UNC5C: variants seen among roughly 807,000 people sequenced by gnomAD.
UNC5C encodes unc-5 netrin receptor C.
A neutral mutation model predicts 99.8 loss-of-function variants in UNC5C; 47 were observed. The ratio of observed to expected loss-of-function variants is 0.47; its 90% CI spans 0.37 to 0.60. The LOEUF (loss-of-function observed/expected upper bound fraction) is 0.60, where lower values mean the gene tolerates loss of function less well. Ranked by LOEUF, UNC5C falls within the 20% of genes least tolerant of loss-of-function variation. The pLI is 0.00. For missense variants in UNC5C, 1,062 were observed against 1,165.9 expected (o/e 0.91, Z 1.30); for synonymous variants, 487 against 452.2 (o/e 1.08, Z -0.98).
At chr4:95,539,526 A>G (rs1006388100) in intron 1 of UNC5C, among the ~76,000 whole-genome samples, 8 of 152,204 alleles carry the variant, frequency 5.3e-5, no homozygotes, top group African/African-American at 9.6e-5. Flanking sequence ...TATCTTTATG[A>G]ATTTGTTTTA....
chr4:95,182,681 T>A (rs1351856524), intron 14 of UNC5C, among the ~76,000 whole-genome samples: 1 of 152,176 alleles, frequency 6.6e-6, no homozygotes, highest in African/African-American at 2.4e-5. Flanking sequence ...AATTAAGACT[T>A]GTTTTTCAAA....
chr4:95,323,624 G>T (rs533531982), intron 2 of UNC5C, among the ~76,000 whole-genome samples: 17 of 152,152 alleles, frequency 1.1e-4, no homozygotes, highest in Non-Finnish European at 2.4e-4. Flanking sequence ...CAGATCTCCC[G>T]TAGTTCCCCT....
At chr4:95,529,157 C>G (rs571630247) in intron 1 of UNC5C, among the ~76,000 whole-genome samples, 26 of 151,198 alleles carry the variant, frequency 1.7e-4, no homozygotes, top group African/African-American at 6.1e-4. Context: ...TCTCATTTCT[C>G]TCTATGGGAT....
intron 12 of UNC5C, among the ~76,000 whole-genome samples, chr4:95,201,752 T>A (rs373802119): frequency 6.6e-6 from 1 of 152,050 alleles, no homozygotes. Context: ...TACAGATGCC[T>A]GCCATCATGC....
Position 95,356,280 on chromosome 4 carries a change from G to C in UNC5C, c.125-20649C>G, listed in dbSNP as rs372030321. Reference sequence around the variant, plus strand: ...TCCTATGGTATACAAAATTGTTTTTGTCTTATCTTAGTTCTCTCCCTATTA... The same window carrying C: ...TCCTATGGTATACAAAATTGTTTTTCTCTTATCTTAGTTCTCTCCCTATTA... On this transcript the variant is annotated intron_variant, in intron 1 of 15. Coordinates refer to ENST00000453304, the MANE Select transcript of UNC5C (RefSeq NM_003728.4). Among the ~76,000 whole-genome samples the C allele has an allele frequency of 7.2e-5, 10 of 138,960 alleles. No homozygotes were observed. The East Asian group carries it at 2.0e-3, about 28-fold the overall frequency. 91.2% of individuals were successfully genotyped at this position (138,960 alleles called of 152,430 possible).
intron 3 of UNC5C, among the ~76,000 whole-genome samples, chr4:95,279,581 G>T (rs1740981010): frequency 6.6e-6 from 1 of 152,158 alleles, no homozygotes; most frequent in Non-Finnish European, 1.5e-5. Flanking sequence ...CTTTGAAGCA[G>T]CATTTTTTTA....
At chr4:95,264,344 C>T (rs1740355492) in intron 4 of UNC5C, among the ~76,000 whole-genome samples, 1 of 152,190 alleles carries the variant, frequency 6.6e-6, no homozygotes, top group Non-Finnish European at 1.5e-5. Flanking sequence ...GAAATTCACT[C>T]ACTGGTAACT....
At chr4:95,222,246 T>G in intron 7 of UNC5C, 2 of 1,493,578 alleles carry the variant, frequency 1.3e-6, no homozygotes, top group Non-Finnish European at 1.8e-6. Context: ...CTCTGTTCAG[T>G]TGAAATGGGA....
chr4:95,402,061 C>T (rs556343987), intron 1 of UNC5C, among the ~76,000 whole-genome samples: 219 of 152,290 alleles, frequency 1.4e-3, no homozygotes, highest in African/African-American at 5.1e-3. Context: ...TAGTTTTTGT[C>T]TAAAAGCTGT....
intron 4 of UNC5C, among the ~76,000 whole-genome samples, chr4:95,275,460 C>T (rs956728881): frequency 2.0e-5 from 3 of 152,040 alleles, no homozygotes; most frequent in Admixed American, 2.0e-4. Context: ...TATTATCTCC[C>T]CTTTATAGTT....
At chr4:95,247,057 A>G (rs1234226351) in intron 5 of UNC5C, among the ~76,000 whole-genome samples, 1 of 152,106 alleles carries the variant, frequency 6.6e-6, no homozygotes, top group African/African-American at 2.4e-5. Flanking sequence ...AAATAAAAAA[A>G]AAAGAAAGAA....
At chr4:95,241,763 T>TAAG (rs1390873047) in intron 7 of UNC5C, among the ~76,000 whole-genome samples, 3 of 152,104 alleles carry the variant, frequency 2.0e-5, no homozygotes, top group Non-Finnish European at 2.9e-5. Flanking sequence ...ACCACTTAAT[T>TAAG]AAGAAAATCT....
chr4:95,326,538 C>A (rs1417974733), intron 2 of UNC5C, among the ~76,000 whole-genome samples: 1 of 152,084 alleles, frequency 6.6e-6, no homozygotes, highest in Non-Finnish European at 1.5e-5. Flanking sequence ...TACTATATTA[C>A]CAAATCAAGA....
intron 7 of UNC5C, among the ~76,000 whole-genome samples, chr4:95,231,037 C>G (rs1357787709): frequency 1.3e-5 from 2 of 152,076 alleles, no homozygotes; most frequent in Non-Finnish European, 2.9e-5. Flanking sequence ...GGCCTAAAAT[C>G]AATGTATTAG....
At chr4:95,352,559 A>T (rs1447659119) in intron 1 of UNC5C, among the ~76,000 whole-genome samples, 2 of 152,072 alleles carry the variant, frequency 1.3e-5, no homozygotes, top group Non-Finnish European at 2.9e-5. Context: ...GCTTTATGGG[A>T]TCAGAAACTT....
intron 2 of UNC5C, among the ~76,000 whole-genome samples, chr4:95,307,231 C>T (rs1742092698): frequency 6.6e-6 from 1 of 152,000 alleles, no homozygotes; most frequent in Non-Finnish European, 1.5e-5. Context: ...TTTACCTACT[C>T]TTTGAAATGT....
intron 4 of UNC5C, among the ~76,000 whole-genome samples, chr4:95,266,317 A>C (rs1409480024): frequency 1.3e-5 from 2 of 152,194 alleles, no homozygotes; most frequent in African/African-American, 4.8e-5. Context: ...AGAAGGAGAA[A>C]GTGTTTAGAA....
intron 1 of UNC5C, among the ~76,000 whole-genome samples, chr4:95,391,192 T>C (rs1745350280): frequency 1.3e-5 from 2 of 152,198 alleles, no homozygotes; most frequent in Admixed American, 6.5e-5. Flanking sequence ...TTAAACCTTT[T>C]CTTCTTTATG....
At chr4:95,545,008 G>A (rs1228446675) in intron 1 of UNC5C, among the ~76,000 whole-genome samples, 1 of 152,218 alleles carries the variant, frequency 6.6e-6, no homozygotes, top group Non-Finnish European at 1.5e-5. Flanking sequence ...GCATACATTA[G>A]AGAACAGTTA....
Sources: gnomAD v4.1 joint callset for allele counts (sites outside exome capture counted in the v4.1 genomes callset) on GRCh38, gnomAD v4.1.1 for gene constraint, MANE v1.5 for transcripts, NCBI Gene and HGNC (gene_info 2026-07-23, HGNC 2026-07-21) for gene names.